Variants in MAP1B observed in about 807,000 individuals in gnomAD.
The protein encoded by MAP1B is microtubule associated protein 1B.
MAP1B carries 12 observed loss-of-function variants against 176.1 expected under a neutral mutation model. The observed-to-expected ratio is 0.07, with a 90% CI of 0.04 to 0.11. The LOEUF is 0.11. MAP1B is among the 10% of genes least tolerant of loss of function. The probability of loss-of-function intolerance (pLI) is 1.00; values close to 1 mark genes in which losing one functional copy is unlikely to be tolerated. For synonymous variants in MAP1B, 1,044 were observed against 1,135.0 expected (o/e 0.92, Z 1.61); for missense variants, 2,523 against 2,990.5 (o/e 0.84, Z 3.65).
At chr5:72,122,349 C>T (rs1315790008) in intron 2 of MAP1B, among the ~76,000 whole-genome samples, 4 of 152,112 alleles carry the variant, frequency 2.6e-5, no homozygotes, top group Non-Finnish European at 5.9e-5. Flanking sequence ...CCCCCACCTG[C>T]ATCCTTTTCT....
chr5:72,152,994 A>G (rs1421273560), intron 2 of MAP1B, among the ~76,000 whole-genome samples: 1 of 152,168 alleles, frequency 6.6e-6, no homozygotes, highest in African/African-American at 2.4e-5. Context: ...TCTGAGAAGA[A>G]AGCCTGTCTA....
intron 2 of MAP1B, among the ~76,000 whole-genome samples, chr5:72,175,972 T>C (rs1746645679): frequency 1.3e-5 from 2 of 152,244 alleles, no homozygotes; most frequent in African/African-American, 4.8e-5. Context: ...TTTTATTCTC[T>C]TAAGAAAACA....
At chr5:72,159,439 GA>G (rs560591444) in intron 2 of MAP1B, among the ~76,000 whole-genome samples, 1 of 152,058 alleles carries the variant, frequency 6.6e-6, no homozygotes, top group South Asian at 2.1e-4. Context: ...AAGGCAGATA[GA>G]TAGTGTATGT....
intron 2 of MAP1B, 185 bp downstream of exon 2, chr5:72,115,984 G>A (rs1188731639): frequency 1.9e-6 from 1 of 520,758 alleles, no homozygotes; most frequent in Non-Finnish European, 3.5e-6. Context: ...CACTGTGTGG[G>A]TTATCTATTT....
intron 5 of MAP1B, among the ~76,000 whole-genome samples, chr5:72,200,667 G>A (rs903624277): frequency 6.6e-6 from 1 of 152,058 alleles, no homozygotes; most frequent in Non-Finnish European, 1.5e-5. Flanking sequence ...CAGAACCAAG[G>A]ATGTGTCTTT....
chr5:72,198,752 T>A lies in MAP1B; in HGVS notation c.5397T>A (p.Thr1799=). ...PRESSPLYSP[T]FSDSTSAVKE... Reference sequence around the variant, plus strand: ...AGTCCTCTCCTTTATATTCACCTACTTTTTCAGATTCTACCTCTGCAGTCA... The same window carrying A: ...AGTCCTCTCCTTTATATTCACCTACATTTTCAGATTCTACCTCTGCAGTCA... Residue 1799 remains threonine (T), a synonymous_variant, in exon 5 of 7, where the codon ACT becomes ACA. Transcript: ENST00000296755. The A allele has an allele frequency of 6.2e-7, 1 of 1,614,160 alleles. No homozygotes were observed. The highest frequency in any genetic ancestry group is 8.5e-7 in the Non-Finnish European group (1 of 1,180,038).
intron 2 of MAP1B, among the ~76,000 whole-genome samples, chr5:72,170,585 C>T (rs921507767): frequency 6.6e-5 from 10 of 151,916 alleles, no homozygotes; most frequent in African/African-American, 2.4e-4. Context: ...TACACAGTGG[C>T]TCAGTATCCC....
At chr5:72,201,935 G>A (rs1747340823) in intron 5 of MAP1B, among the ~76,000 whole-genome samples, 2 of 152,120 alleles carry the variant, frequency 1.3e-5, no homozygotes, top group African/African-American at 4.8e-5. Flanking sequence ...CAACTGACCT[G>A]CACTTAGGAG....
At position 72,203,639 on chromosome 5, in the gene MAP1B, T is replaced by C. The variant is rs1363033535; in HGVS notation, c.7089T>C (p.Ile2363=). 9.3e-6 allele frequency: 15 copies of C among 1,614,050 alleles called. No individual in the cohort carries two copies. Among genetic ancestry groups the C allele is most frequent in the Admixed American group, 1.7e-5 (1 of 60,004 alleles). Residue 2363 remains isoleucine, a synonymous_variant, in exon 6 of 7, where the codon ATT becomes ATC. Transcript: ENST00000296755. ...CTGTGTATTTGGACCTGTGCTACAT[T>C]CCTAACCACAGCAATAGTAAGAATG... ...GLPVYLDLCY[I]PNHSNSKNVD...
At chr5:72,109,901 T>A (rs1745289885) in intron 1 of MAP1B, among the ~76,000 whole-genome samples, 1 of 152,264 alleles carries the variant, frequency 6.6e-6, no homozygotes, top group Non-Finnish European at 1.5e-5. Context: ...GTTACTCATC[T>A]GATCATCCTT....
rs1403012379 is a variant in MAP1B at position 72,206,633 on chromosome 5, T to C, written c.*1394T>C. 6.6e-6 allele frequency: 1 copy of C among 152,390 alleles called. No individual in the cohort carries two copies. Among genetic ancestry groups the C allele is most frequent in the African/African-American group, 2.4e-5 (1 of 41,456 alleles). The allele number at this position is 152,390 out of a possible 1,614,324, so 9.4% of individuals were successfully genotyped here. Reference sequence around the variant, plus strand: ...TTTTAAGATATGTGAGAACTTTTCATAGATGAACTTTTTAACAAATGTTTT... The same window carrying C: ...TTTTAAGATATGTGAGAACTTTTCACAGATGAACTTTTTAACAAATGTTTT... On this transcript the variant is annotated 3_prime_UTR_variant, in exon 7 of 7. Transcript: ENST00000296755.
intron 2 of MAP1B, among the ~76,000 whole-genome samples, chr5:72,138,707 C>T (rs914969240): frequency 1.3e-5 from 2 of 152,114 alleles, no homozygotes; most frequent in Non-Finnish European, 2.9e-5. Context: ...ACCATATCTT[C>T]GAAGAATCTT....
At chr5:72,138,405 C>A (rs903362905) in intron 2 of MAP1B, among the ~76,000 whole-genome samples, 1 of 152,124 alleles carries the variant, frequency 6.6e-6, no homozygotes, top group African/African-American at 2.4e-5. Flanking sequence ...AAGATAGGCA[C>A]CTTCATATTC....
At chr5:72,170,201 A>G (rs1344967924) in intron 2 of MAP1B, among the ~76,000 whole-genome samples, 3 of 151,996 alleles carry the variant, frequency 2.0e-5, no homozygotes, top group African/African-American at 7.3e-5. Flanking sequence ...TATTAGGTGA[A>G]ATGGAAAACT....
intron 2 of MAP1B, among the ~76,000 whole-genome samples, chr5:72,138,198 C>T (rs1040987095): frequency 5.3e-5 from 8 of 152,074 alleles, no homozygotes; most frequent in African/African-American, 1.9e-4. Context: ...AGGATATGAA[C>T]ATTCAATTTA....
chr5:72,131,187 G>A (rs6860800), intron 2 of MAP1B, among the ~76,000 whole-genome samples: 3,474 of 152,234 alleles, frequency 0.023, 97 homozygotes, highest in African/African-American at 0.067. Flanking sequence ...AAATAATATG[G>A]TGCTATCTAA....
At chr5:72,178,589 C>T (rs1161604755) in intron 2 of MAP1B, among the ~76,000 whole-genome samples, 1 of 152,218 alleles carries the variant, frequency 6.6e-6, no homozygotes, top group African/African-American at 2.4e-5. Context: ...TGCCCTGCCC[C>T]TCAGTCCTGG....
rs566642876 is a variant in MAP1B, at chr5:72,164,162, T to A, written c.287-19581T>A. Among the ~76,000 whole-genome samples the A allele has an allele frequency of 5.9e-4, 89 of 151,942 alleles. 1 individual carries two copies. The highest frequency in any genetic ancestry group is 1.2e-3 in the Admixed American group (19 of 15,262). The stretch of plus-strand genomic sequence containing the variant: ...CCCAGGCTGGTCTTGAGCTCCTGGG[T>A]TCAAGTGATCCTCCTGTCTTGGCCT... On this transcript the variant is annotated intron_variant, in intron 2 of 6. Transcript: ENST00000296755.
chr5:72,203,494 A>G (rs1003566722), intron 5 of MAP1B, 69 bp from the exon 6 acceptor site: 46 of 1,100,346 alleles, frequency 4.2e-5, no homozygotes, highest in Non-Finnish European at 6.1e-5. Flanking sequence ...TTGAGTGGGG[A>G]ACATGTGCTG....
Sources: allele counts gnomAD v4.1 joint callset (sites outside exome capture counted in the v4.1 genomes callset), GRCh38; gene constraint gnomAD v4.1.1; transcripts MANE v1.5; gene names NCBI Gene and HGNC (gene_info 2026-07-23, HGNC 2026-07-21).